SH3KBP1: variants seen among roughly 807,000 people sequenced by gnomAD.
SH3KBP1 encodes the protein SH3 domain-containing kinase-binding protein 1.
A neutral mutation model predicts 50.1 loss-of-function variants in SH3KBP1; 8 were observed. That is an observed-to-expected ratio of 0.16 (90% CI 0.09 to 0.29). The LOEUF (loss-of-function observed/expected upper bound fraction) is 0.29. Ranked by LOEUF, SH3KBP1 falls within the 10% of genes least tolerant of loss-of-function variation. The probability of loss-of-function intolerance (pLI) is 1.00; values close to 1 mark genes in which losing one functional copy is unlikely to be tolerated. For missense variants in SH3KBP1, 377 were observed against 535.2 expected (o/e 0.70, Z 2.92); for synonymous variants, 227 against 218.6 (o/e 1.04, Z -0.34).
chrX:19,884,947 T>C lies in SH3KBP1; in HGVS notation c.4+2360A>G, dbSNP rs756858831. Among the ~76,000 whole-genome samples the C allele has an allele frequency of 1.1e-4, 12 of 111,512 alleles. No homozygotes were observed. In the East Asian group the frequency reaches 3.4e-3, roughly 31 times the overall value. ...ATTTTTCAGAAAACGAAATATAAGA[T>C]ACAGTTTTACTATGTTATCCATCAA... On this transcript the variant is annotated intron_variant, in intron 1 of 17. Coordinates refer to ENST00000397821, the MANE Select transcript of SH3KBP1 (RefSeq NM_031892.3).
intron 1 of SH3KBP1, among the ~76,000 whole-genome samples, chrX:19,853,788 T>G (rs2068574454): frequency 9.1e-6 from 1 of 110,363 alleles, no homozygotes; most frequent in African/African-American, 3.3e-5. Context: ...CATAGTGAAA[T>G]CCCATCTTTA....
chrX:19,775,173 CACA>C (rs1290183848), intron 2 of SH3KBP1, among the ~76,000 whole-genome samples: 2 of 111,499 alleles, frequency 1.8e-5, no homozygotes, highest in East Asian at 5.6e-4. Context: ...TTCACGAGTA[CACA>C]ACAAGAATTC....
intron 16 of SH3KBP1, among the ~76,000 whole-genome samples, chrX:19,537,989 T>C (rs2064769276): frequency 1.8e-5 from 2 of 111,483 alleles, no homozygotes; most frequent in Admixed American, 9.5e-5. Flanking sequence ...CTAAAATATG[T>C]AGCCAGCAAC....
intron 5 of SH3KBP1, among the ~76,000 whole-genome samples, chrX:19,695,251 G>A (rs1392895506): frequency 1.8e-5 from 2 of 111,497 alleles, no homozygotes; most frequent in African/African-American, 3.3e-5. Context: ...GTCCCTCAAG[G>A]GATGCTGAGA....
At chrX:19,766,544 G>A (rs190355449) in intron 2 of SH3KBP1, among the ~76,000 whole-genome samples, 739 of 71,765 alleles carry the variant, frequency 0.01, 3 homozygotes, top group African/African-American at 0.025. Context: ...TTGCTCCGTC[G>A]CCCAGGCTGG....
chrX:19,868,967 C>T (rs1353239323), intron 1 of SH3KBP1, among the ~76,000 whole-genome samples: 2 of 110,345 alleles, frequency 1.8e-5, no homozygotes, highest in Non-Finnish European at 3.8e-5. Flanking sequence ...AGGACAGTAT[C>T]CTGGATTAAC....
intron 1 of SH3KBP1, among the ~76,000 whole-genome samples, chrX:19,845,260 C>T (rs867141414): frequency 2.7e-5 from 3 of 110,173 alleles, no homozygotes; most frequent in Admixed American, 1.9e-4. Flanking sequence ...GGGCAGATCA[C>T]GAGGTCAGGA....
intron 6 of SH3KBP1, among the ~76,000 whole-genome samples, chrX:19,657,107 C>T (rs2062299268): frequency 9.0e-6 from 1 of 111,662 alleles, no homozygotes; most frequent in South Asian, 3.7e-4. Context: ...ACTTAAAAGG[C>T]TTATTATGCC....
At chrX:19,668,962 A>C (rs1420021728) in intron 6 of SH3KBP1, among the ~76,000 whole-genome samples, 1 of 48,969 alleles carries the variant, frequency 2.0e-5, no homozygotes, top group African/African-American at 1.6e-4. Flanking sequence ...ATATATATAT[A>C]TATATATATA....
rs147843207 is a variant in SH3KBP1 at position 19,840,303 on chromosome X, G to A, written c.5-4021C>T. Among the ~76,000 whole-genome samples the A allele has an allele frequency of 2.8e-3, 314 of 112,133 alleles. 1 individual carries two copies. Among genetic ancestry groups the A allele is most frequent in the African/African-American group, 9.2e-3 (284 of 30,876 alleles). ...TGGAATGTGGCTAGTCTGAACTGAC[G>A]TGTGCCATAAGATACATCCCAAGTT... is the stretch of plus-strand genomic sequence containing the variant. On this transcript the variant is annotated intron_variant, in intron 1 of 17. Coordinates refer to ENST00000397821, the MANE Select transcript of SH3KBP1 (RefSeq NM_031892.3).
chrX:19,598,723 G>A (rs1301710983), intron 9 of SH3KBP1, among the ~76,000 whole-genome samples: 13 of 111,326 alleles, frequency 1.2e-4, no homozygotes, highest in Non-Finnish European at 7.5e-5. Flanking sequence ...TAGGTCAATG[G>A]AGTAGTCAGA....
At chrX:19,544,714 A>T (rs1251227073) in intron 15 of SH3KBP1, among the ~76,000 whole-genome samples, 2 of 111,983 alleles carry the variant, frequency 1.8e-5, no homozygotes, top group African/African-American at 6.5e-5. Context: ...CATTTCGGCT[A>T]CTGAGCAATT....
intron 6 of SH3KBP1, among the ~76,000 whole-genome samples, chrX:19,675,078 C>CGAAT (rs1556192882): frequency 2.8e-5 from 3 of 106,671 alleles, no homozygotes; most frequent in African/African-American, 1.1e-4. Context: ...GACCCTGCCT[C>CGAAT]AAATAAATAA....
chrX:19,672,298 C>T (rs1037429628), intron 6 of SH3KBP1, among the ~76,000 whole-genome samples: 1 of 111,933 alleles, frequency 8.9e-6, no homozygotes, highest in African/African-American at 3.2e-5. Context: ...TTAGATACTC[C>T]TCCCTCAAGG....
intron 13 of SH3KBP1, among the ~76,000 whole-genome samples, chrX:19,560,811 T>G (rs2065649590): frequency 9.0e-6 from 1 of 110,991 alleles, no homozygotes; most frequent in African/African-American, 3.3e-5. Flanking sequence ...GTGCAATGAC[T>G]CATGCCTGTA....
intron 2 of SH3KBP1, among the ~76,000 whole-genome samples, chrX:19,834,141 G>C (rs1475204851): frequency 1.8e-5 from 2 of 112,440 alleles, no homozygotes; most frequent in African/African-American, 3.2e-5. Context: ...CCTAAAGAAA[G>C]ATTTAAATAG....
At chrX:19,750,171 G>A (rs1479123023) in intron 2 of SH3KBP1, among the ~76,000 whole-genome samples, 3 of 111,568 alleles carry the variant, frequency 2.7e-5, no homozygotes, top group African/African-American at 9.8e-5. Flanking sequence ...CAATGGTCAT[G>A]TCTCAGCCTC....
chrX:19,815,055 C>A lies in SH3KBP1; in HGVS notation c.162+21070G>T, dbSNP rs1348748030. 9.8e-5 allele frequency among the ~76,000 whole-genome samples: 11 copies of A among 111,979 alleles called. No homozygotes were observed. In the Admixed American group the frequency reaches 1.0e-3, roughly 11 times the overall value. ...ACTGAAACACCTGTAATCTGTCACC[C>A]ATCACCCATCACCCACAAAGAGCTG... On this transcript the variant is annotated intron_variant, in intron 2 of 17. Transcript: ENST00000397821.
intron 15 of SH3KBP1, among the ~76,000 whole-genome samples, chrX:19,544,125 G>T (rs758498470): frequency 9.0e-6 from 1 of 110,858 alleles, no homozygotes; most frequent in South Asian, 3.8e-4. Flanking sequence ...GAGAGACTGG[G>T]CAGAGAAAGC....
Sources: gnomAD v4.1 joint callset for allele counts (sites outside exome capture counted in the v4.1 genomes callset) on GRCh38, gnomAD v4.1.1 for gene constraint, MANE v1.5 for transcripts, NCBI Gene and HGNC (gene_info 2026-07-23, HGNC 2026-07-21) for gene names.